ZBTB7C: variants seen among roughly 807,000 people sequenced by gnomAD.
ZBTB7C encodes the protein zinc finger and BTB domain containing 7C, also known as zinc finger and BTB domain-containing protein 7C.
Under a neutral mutation model 25.7 loss-of-function variants are expected in ZBTB7C, and 8 were observed. The observed-to-expected ratio is 0.31, with a 90% CI of 0.18 to 0.56. The LOEUF (loss-of-function observed/expected upper bound fraction) is 0.56. Among genes scored for constraint, ZBTB7C ranks in the 20% least tolerant of loss-of-function variants. The pLI is 0.91. For missense variants in ZBTB7C, 824 were observed against 855.2 expected (o/e 0.96, Z 0.46); for synonymous variants, 394 against 369.0 (o/e 1.07, Z -0.78).
At chr18:48,293,416 T>C (rs1003686836) in intron 2 of ZBTB7C, among the ~76,000 whole-genome samples, 10 of 152,168 alleles carry the variant, frequency 6.6e-5, no homozygotes, top group African/African-American at 2.2e-4. Flanking sequence ...GGTTTCAACA[T>C]AGGAATTTTG....
At chr18:48,321,714 C>T (rs929788960) in intron 2 of ZBTB7C, among the ~76,000 whole-genome samples, 1 of 152,188 alleles carries the variant, frequency 6.6e-6, no homozygotes, top group African/African-American at 2.4e-5. Flanking sequence ...TCCCCTGCGT[C>T]CTCACACCTC....
intron 2 of ZBTB7C, among the ~76,000 whole-genome samples, chr18:48,306,425 T>TTAGTG (rs2045676000): frequency 6.6e-6 from 1 of 152,222 alleles, no homozygotes. Context: ...AGTGTACAGT[T>TTAGTG]TAGTGACATT....
At chr18:48,372,776 C>T (rs1387264566) in intron 1 of ZBTB7C, among the ~76,000 whole-genome samples, 1 of 152,110 alleles carries the variant, frequency 6.6e-6, no homozygotes, top group Non-Finnish European at 1.5e-5. Flanking sequence ...CATGATTCTA[C>T]CCTATATGCA....
rs2144047582 is a variant in ZBTB7C at position 48,029,289 on chromosome 18, C to A, written c.1831G>T (p.Val611Leu). Residue 611 changes from valine to leucine, a missense_variant, in exon 5 of 5, where the codon GTG (valine) becomes TTG (leucine). By Grantham distance (32) the Val-to-Leu change is conservative. Coordinates refer to ENST00000590800, the MANE Select transcript of ZBTB7C (RefSeq NM_001318841.2). The stretch of plus-strand genomic sequence containing the variant: ...TTGTTGGCTTCGGACATGGAGGCCA[C>A]GTGGTTGAGGCCGGCGAGCCCAGGG... ...GLPGLAGLNH[V>L]ASMSEANN 6.5e-7 allele frequency: 1 copy of A among 1,537,880 alleles called. No homozygotes were observed. The highest frequency in any genetic ancestry group is 8.7e-7 in the Non-Finnish European group (1 of 1,148,546).
At chr18:48,388,288 C>T (rs191046986) in intron 1 of ZBTB7C, among the ~76,000 whole-genome samples, 92 of 152,204 alleles carry the variant, frequency 6.0e-4, no homozygotes, top group African/African-American at 2.1e-3. Flanking sequence ...AATCCCAATG[C>T]CAAATATAAA....
At chr18:48,050,953 A>G (rs9960301) in intron 3 of ZBTB7C, among the ~76,000 whole-genome samples, 80,535 of 151,860 alleles carry the variant, frequency 0.53, 21,882 homozygotes, top group African/African-American at 0.6. Context: ...CTATTTTGCC[A>G]ACGAGAAACC....
chr18:48,382,703 T>C (rs1473550279), intron 1 of ZBTB7C, among the ~76,000 whole-genome samples: 1 of 152,238 alleles, frequency 6.6e-6, no homozygotes, highest in Non-Finnish European at 1.5e-5. Flanking sequence ...TGCATGTTAT[T>C]GCTGTGCAGG....
At chr18:48,231,284 A>G (rs906170099) in intron 2 of ZBTB7C, among the ~76,000 whole-genome samples, 1 of 152,130 alleles carries the variant, frequency 6.6e-6, no homozygotes, top group Non-Finnish European at 1.5e-5. Context: ...GGACCCTCCC[A>G]TGGCCACCCA....
At chr18:48,159,279 T>C (rs1002152815) in intron 3 of ZBTB7C, among the ~76,000 whole-genome samples, 2 of 152,216 alleles carry the variant, frequency 1.3e-5, no homozygotes, top group Non-Finnish European at 2.9e-5. Flanking sequence ...TGAATCCCGG[T>C]GGTCTTCTAC....
intron 4 of ZBTB7C, among the ~76,000 whole-genome samples, chr18:48,033,921 G>A (rs1459424954): frequency 2.0e-5 from 3 of 152,238 alleles, no homozygotes; most frequent in Admixed American, 2.0e-4. Context: ...TCTAAAATGC[G>A]GGTTGGGCTG....
rs931936948 is a variant in ZBTB7C, at chr18:48,174,510, C to T, written c.-17+11424G>A. Among the ~76,000 whole-genome samples, 5 of 152,332 alleles carry T rather than the reference C, an allele frequency of 3.3e-5. No individual in the cohort carries two copies. The Middle Eastern group carries it at 0.01, about 311-fold the overall frequency. ...AACCCCATGGAGGGGAATCTGGCAA[C>T]GCCTAACAAAACTACATCCTCTTCA... is the stretch of plus-strand genomic sequence containing the variant. On this transcript the variant is annotated intron_variant, in intron 3 of 4. Coordinates refer to ENST00000590800, the MANE Select transcript of ZBTB7C (RefSeq NM_001318841.2).
At chr18:48,038,493 C>T (rs2036070606) in intron 4 of ZBTB7C, among the ~76,000 whole-genome samples, 1 of 122,728 alleles carries the variant, frequency 8.1e-6, no homozygotes, top group African/African-American at 4.0e-5. Flanking sequence ...TGGCAACTTC[C>T]AGTAGTTTCC....
intron 2 of ZBTB7C, among the ~76,000 whole-genome samples, chr18:48,197,618 A>C (rs1193030820): frequency 2.6e-5 from 4 of 152,206 alleles, no homozygotes; most frequent in African/African-American, 9.7e-5. Context: ...GTTCAAGGTC[A>C]AGGTGCCGGC....
At chr18:48,189,207 C>T (rs576532961) in intron 2 of ZBTB7C, among the ~76,000 whole-genome samples, 1 of 152,308 alleles carries the variant, frequency 6.6e-6, no homozygotes, top group Non-Finnish European at 1.5e-5. Flanking sequence ...TCCAGGTGAA[C>T]GCTCAGTTCC....
At position 48,068,975 on chromosome 18, in the gene ZBTB7C, G is replaced by A. The variant is rs765842243; in HGVS notation, c.-16-27852C>T. Among the ~76,000 whole-genome samples, 129 of 152,318 alleles carry A rather than the reference G, an allele frequency of 8.5e-4. 1 individual carries two copies. The highest frequency in any genetic ancestry group is 7.8e-4 in the Non-Finnish European group (53 of 68,024). On this transcript the variant is annotated intron_variant, in intron 3 of 4. Coordinates refer to ENST00000590800, the MANE Select transcript of ZBTB7C (RefSeq NM_001318841.2). ...TGTGAGAAGAGAACAAGCTCTTTCCGGAGCTCAGGGAGTGAGATGAACTCA... is the reference window on the plus strand; with the variant it reads ...TGTGAGAAGAGAACAAGCTCTTTCCAGAGCTCAGGGAGTGAGATGAACTCA...
intron 2 of ZBTB7C, among the ~76,000 whole-genome samples, chr18:48,297,718 G>A (rs543998323): frequency 6.6e-6 from 1 of 152,256 alleles, no homozygotes; most frequent in South Asian, 2.1e-4. Context: ...CATACATCAC[G>A]GTTAAAAATC....
chr18:48,207,148 G>C (rs1469502759), intron 2 of ZBTB7C, among the ~76,000 whole-genome samples: 1 of 152,188 alleles, frequency 6.6e-6, no homozygotes, highest in East Asian at 1.9e-4. Context: ...AACCAGAATG[G>C]CTGAAGTGAG....
At chr18:48,210,896 A>G (rs1251992295) in intron 2 of ZBTB7C, among the ~76,000 whole-genome samples, 2 of 152,218 alleles carry the variant, frequency 1.3e-5, no homozygotes, top group African/African-American at 2.4e-5. Flanking sequence ...AGCCAACTCA[A>G]TATTGAAGAA....
At chr18:48,214,177 T>C (rs2042769787) in intron 2 of ZBTB7C, among the ~76,000 whole-genome samples, 2 of 152,238 alleles carry the variant, frequency 1.3e-5, no homozygotes. Context: ...ATTTTAAGTG[T>C]ACAGTTCAGT....
Sources: gnomAD v4.1 joint callset for allele counts (sites outside exome capture counted in the v4.1 genomes callset) on GRCh38, gnomAD v4.1.1 for gene constraint, MANE v1.5 for transcripts, NCBI Gene and HGNC (gene_info 2026-07-23, HGNC 2026-07-21) for gene names.